Variants in KRT78 observed in about 807,000 individuals in gnomAD.
The protein encoded by KRT78 is keratin, type II cytoskeletal 78.
KRT78 carries 55 observed loss-of-function variants against 51.4 expected under a neutral mutation model. The ratio of observed to expected loss-of-function variants is 1.07; its 90% confidence interval spans 0.86 to 1.34. The LOEUF (loss-of-function observed/expected upper bound fraction) is 1.34. Among genes scored for constraint, KRT78 ranks in the 40% most tolerant of loss-of-function variants. KRT78 has a pLI of 0.00. For missense variants in KRT78, 652 were observed against 649.4 expected (o/e 1.00, Z -0.04); for synonymous variants, 291 against 264.3 (o/e 1.10, Z -0.98).
At chr12:52,847,857 G>C (rs775550175) in intron 2 of KRT78, 50 bp downstream of exon 2, 1 of 1,556,666 alleles carries the variant, frequency 6.4e-7, no homozygotes, top group African/African-American at 1.4e-5. Context: ...CCCAAACTGA[G>C]TCATCCCAGA....
intron 4 of KRT78, among the ~76,000 whole-genome samples, 158 bp from the exon 5 acceptor site, chr12:52,844,881 C>A (rs1427030637): frequency 6.6e-6 from 1 of 152,126 alleles, no homozygotes. Context: ...GGGACTCGAT[C>A]TCCTCATTCA....
chr12:52,839,420 G>A, intron 8 of KRT78, 33 bp downstream of exon 8: 1 of 1,611,094 alleles, frequency 6.2e-7, no homozygotes, highest in South Asian at 1.1e-5. Context: ...GCTCCCCATG[G>A]GGATCCCATC....
rs145610633 is a variant in KRT78, at chr12:52,839,921, C to A, written c.1111G>T (p.Ala371Ser). The change falls in exon 7 of 9, where the codon GCT becomes TCT. Residue 371 changes from alanine (A) to serine (S), a missense_variant. Physicochemically the swap from Ala to Ser is moderately conservative, Grantham distance 99. Transcript: ENST00000304620. Reference protein sequence around the residue: ...EQRGELALKDAQAKVDELEAA... With the variant: ...EQRGELALKDSQAKVDELEAA... ...TCCAGCTCGTCCACCTTGGCCTGAG[C>A]GTCCTTGAGGGCCAGCTCCCCACGC... The A allele has an allele frequency of 6.2e-7, 1 of 1,614,062 alleles. No individual in the cohort carries two copies. Among genetic ancestry groups the A allele is most frequent in the African/African-American group, 1.3e-5 (1 of 75,008 alleles).
rs575705307 is a variant in KRT78, at chr12:52,844,545, C to T, written c.921+14G>A. 3.7e-6 allele frequency: 6 copies of T among 1,609,600 alleles called. No homozygotes were observed. Among genetic ancestry groups the T allele is most frequent in the Non-Finnish European group, 5.1e-6 (6 of 1,177,602 alleles). On this transcript the variant is annotated intron_variant, in intron 5 of 8. Transcript: ENST00000304620. ...GCCATTTCCAGCATGGTGCTGCCCC[C>T]CAGGTCCCACCACCTTGGTCTGGTA...
intron 6 of KRT78, among the ~76,000 whole-genome samples, chr12:52,843,670 TG>T (rs2120407651): frequency 8.0e-6 from 1 of 125,534 alleles, no homozygotes; most frequent in South Asian, 2.4e-4. Context: ...ACCTGGGCAG[TG>T]GAGTAAGACT....
rs1158055717 is a variant in KRT78 at position 52,843,688 on chromosome 12, C to CAAA, written c.1047+402_1047+404dup. Among the ~76,000 whole-genome samples, 520 of 63,176 alleles carry CAAA rather than the reference C, an allele frequency of 8.2e-3. 14 individuals carry two copies. Among genetic ancestry groups the CAAA allele is most frequent in the African/African-American group, 0.02 (475 of 23,518 alleles). 41.4% of individuals were successfully genotyped at this position (63,176 alleles called of 152,430 possible). On this transcript the variant is annotated intron_variant, in intron 6 of 8. Coordinates refer to ENST00000304620, the MANE Select transcript of KRT78 (RefSeq NM_173352.4). Reference sequence around the variant, plus strand: ...TGGGCAGTGGAGTAAGACTCTGTCTCAAAAAAAAAAAAAAAAAGAAAAAGA... The same window carrying CAAA: ...TGGGCAGTGGAGTAAGACTCTGTCTCAAAAAAAAAAAAAAAAAAAAGAAAAAGA...
chr12:52,848,156 T>TG, intron 1 of KRT78, 35 bp from the exon 2 acceptor site: 1 of 1,603,748 alleles, frequency 6.2e-7, no homozygotes, highest in Non-Finnish European at 8.5e-7. Flanking sequence ...GAGGCTCCTG[T>TG]GGGACTCCCT....
intron 6 of KRT78, among the ~76,000 whole-genome samples, chr12:52,840,564 G>C (rs1940470277): frequency 6.6e-6 from 1 of 152,090 alleles, no homozygotes; most frequent in Non-Finnish European, 1.5e-5. Context: ...AAAATTAGCT[G>C]ACCATAGTGG....
rs752032731 is a variant in KRT78 at position 52,846,244 on chromosome 12, C to G, written c.709G>C (p.Glu237Gln). Reference protein sequence around the residue: ...LSKMELEGKLEALREYLYFLK... With the variant: ...LSKMELEGKLQALREYLYFLK... ...AAGTAGAGGTACTCTCTCAGAGCCT[C>G]CAGCTTGCCCTCCAACTCCATCTTG... The change falls in exon 4 of 9, where the codon GAG (glutamate) becomes CAG (glutamine). Residue 237 changes from glutamate to glutamine, a missense_variant. Physicochemically the swap from Glu to Gln is conservative, Grantham distance 29. Transcript: ENST00000304620. The G allele has an allele frequency of 1.2e-6, 2 of 1,614,006 alleles. No homozygotes were observed.
chr12:52,848,720 C>A lies in KRT78; in HGVS notation c.211G>T (p.Gly71Cys). The A allele has an allele frequency of 1.2e-6, 2 of 1,612,688 alleles. No individual in the cohort carries two copies. Among genetic ancestry groups the A allele is most frequent in the South Asian group, 1.1e-5 (1 of 90,906 alleles). ...RLGVRFGEWS[G>C]GPGLSLCPPG... The stretch of plus-strand genomic sequence containing the variant: ...GGGCACAGGGAGAGCCCAGGCCCAC[C>A]ACTCCACTCCCCAAACCGCACCCCC... Residue 71 changes from glycine to cysteine, a missense_variant, in exon 1 of 9, where the codon GGT becomes TGT. Gly to Cys is a radical substitution (Grantham distance 159, BLOSUM62 -3). Transcript: ENST00000304620.
intron 1 of KRT78, chr12:52,848,346 T>C (rs1248033324): frequency 2.7e-6 from 4 of 1,462,168 alleles, no homozygotes; most frequent in Non-Finnish European, 3.7e-6. Flanking sequence ...GGCAGTTCTC[T>C]GTCCCTGAGC....
Position 52,844,132 on chromosome 12 carries a change from A to G in KRT78, c.1008T>C (p.Ile336=). ...TCTCAGTCTGACTCTGCAGCCTCTG[A>G]ATCTCTTGGTGTAGCTGAGAGATCT... is the stretch of plus-strand genomic sequence containing the variant. ...KVQISQLHQE[I]QRLQSQTENL... is the part of the protein sequence containing the mutation. Residue 336 remains isoleucine (I), a synonymous_variant, in exon 6 of 9, where the codon ATT becomes ATC. Transcript: ENST00000304620. 6.2e-7 allele frequency: 1 copy of G among 1,612,748 alleles called. No individual in the cohort carries two copies. The highest frequency in any genetic ancestry group is 8.5e-7 in the Non-Finnish European group (1 of 1,179,576).
At chr12:52,841,340 A>T (rs1940494072) in intron 6 of KRT78, among the ~76,000 whole-genome samples, 1 of 151,606 alleles carries the variant, frequency 6.6e-6, no homozygotes, top group Non-Finnish European at 1.5e-5. Flanking sequence ...AAAAAAAATT[A>T]GCCGGGCATG....
rs2120410856 is a variant in KRT78 at position 52,844,144 on chromosome 12, T to C, written c.996A>G (p.Leu332=). The C allele has an allele frequency of 6.2e-7, 1 of 1,612,246 alleles. No individual in the cohort carries two copies. The highest frequency in any genetic ancestry group is 8.5e-7 in the Non-Finnish European group (1 of 1,179,448). ...TCTGCAGCCTCTGAATCTCTTGGTG[T>C]AGCTGAGAGATCTGGACTTTCGTTT... ...MQETKVQISQ[L]HQEIQRLQSQ... is the part of the protein sequence containing the mutation. The change falls in exon 6 of 9, where the codon CTA becomes CTG. Residue 332 remains leucine (L), a synonymous_variant. Transcript: ENST00000304620.
chr12:52,843,985 C>T (rs1366733438), intron 6 of KRT78, 108 bp downstream of exon 6: 23 of 1,378,472 alleles, frequency 1.7e-5, no homozygotes, highest in African/African-American at 2.9e-5. Flanking sequence ...TCAAGGTCCT[C>T]GACACAAAAC....
chr12:52,844,830 C>T (rs1940603598), intron 4 of KRT78, 107 bp from the exon 5 acceptor site: 2 of 1,079,030 alleles, frequency 1.9e-6, no homozygotes, highest in South Asian at 3.2e-5. Flanking sequence ...GCCATGACCC[C>T]CATTCATCCC....
intron 3 of KRT78, among the ~76,000 whole-genome samples, 200 bp downstream of exon 3, chr12:52,846,564 G>A (rs10876363): frequency 0.13 from 19,401 of 152,086 alleles, 3,363 homozygotes; most frequent in African/African-American, 0.39. Context: ...TCAAGAGCTC[G>A]TCAAGCAGTC....
rs1391565477 is a variant in KRT78, at chr12:52,846,964, T to G, written c.600-140A>C. 9.2e-6 allele frequency: 6 copies of G among 649,760 alleles called. No individual in the cohort carries two copies. In the Admixed American group the frequency reaches 1.6e-4, roughly 18 times the overall value. The allele number at this position is 649,760 out of a possible 1,614,324, so 40.2% of individuals were successfully genotyped here. The stretch of plus-strand genomic sequence containing the variant: ...AAGACAATAACCAGCCCTTCTCTCC[T>G]TTCCTGCCACGTCCTAGCTATGTAC... On this transcript the variant is annotated intron_variant, in intron 2 of 8. Coordinates refer to ENST00000304620, the MANE Select transcript of KRT78 (RefSeq NM_173352.4).
rs1400735890 is a variant in KRT78, at chr12:52,838,454, TGA to T, written c.*657_*658del. 1 of 153,148 alleles carries T rather than the reference TGA, an allele frequency of 6.5e-6. No homozygotes were observed. The highest frequency in any genetic ancestry group is 1.5e-5 in the Non-Finnish European group (1 of 68,792). 9.5% of individuals were successfully genotyped at this position (153,148 alleles called of 1,614,324 possible). A position where few individuals can be genotyped will look rare whatever the true frequency, so the allele number is the denominator to read the frequency against. ...TCCATCAGAGCCCCCAGGCACAAGC[TGA>T]GCACATCCTCATCCTGGATGCAGGA... On this transcript the variant is annotated 3_prime_UTR_variant, in exon 9 of 9. Transcript: ENST00000304620.
Sources: gnomAD v4.1 joint callset for allele counts (sites outside exome capture counted in the v4.1 genomes callset) on GRCh38, gnomAD v4.1.1 for gene constraint, MANE v1.5 for transcripts, NCBI Gene and HGNC (gene_info 2026-07-23, HGNC 2026-07-21) for gene names.